The following NUDT7 variants were observed in gnomAD, a reference collection of about 807,000 sequenced individuals.
The protein encoded by NUDT7 is nudix hydrolase 7, also known as peroxisomal coenzyme A diphosphatase NUDT7.
Under a neutral mutation model 13.1 loss-of-function variants are expected in NUDT7, and 19 were observed. That is an observed-to-expected ratio of 1.45 (90% CI 1.01 to 2.13). The LOEUF is 2.13. NUDT7 is among the 30% of genes most tolerant of loss of function. The pLI, the probability that NUDT7 is intolerant of heterozygous loss-of-function variation, is 0.00. For synonymous variants in NUDT7, 132 were observed against 109.7 expected (o/e 1.20, Z -1.27); for missense variants, 360 against 291.7 (o/e 1.23, Z -1.71).
chr16:77,739,200 T>C (rs998909462), intron 3 of NUDT7, among the ~76,000 whole-genome samples: 1 of 152,144 alleles, frequency 6.6e-6, no homozygotes, highest in East Asian at 1.9e-4. Flanking sequence ...GGTGAGTCCA[T>C]AAAGTGAAAG....
intron 2 of NUDT7, among the ~76,000 whole-genome samples, chr16:77,728,501 T>G (rs534612740): frequency 6.6e-6 from 1 of 152,242 alleles, no homozygotes; most frequent in East Asian, 1.9e-4. Context: ...CCTCCCAAAG[T>G]GCTGAGATGA....
intron 3 of NUDT7, 60 bp downstream of exon 3, chr16:77,736,046 C>A (rs745708228): frequency 4.7e-6 from 7 of 1,482,134 alleles, no homozygotes; most frequent in Non-Finnish European, 5.6e-6. Context: ...ATCTACTGTT[C>A]TCAGGATTCC....
At chr16:77,724,957 A>G (rs964185717) in intron 1 of NUDT7, among the ~76,000 whole-genome samples, 2 of 152,166 alleles carry the variant, frequency 1.3e-5, no homozygotes, top group African/African-American at 4.8e-5. Flanking sequence ...CTCGCAGTCT[A>G]TGTGACAGCC....
At chr16:77,737,560 A>G (rs2014528223) in intron 3 of NUDT7, 1 of 151,934 alleles carries the variant, frequency 6.6e-6, no homozygotes, top group Non-Finnish European at 1.5e-5. Context: ...AACTCGGCTC[A>G]CTGCAAGCTC....
intron 3 of NUDT7, among the ~76,000 whole-genome samples, chr16:77,739,050 A>G (rs1175886787): frequency 1.3e-5 from 2 of 152,152 alleles, no homozygotes; most frequent in Non-Finnish European, 2.9e-5. Flanking sequence ...GCAACCACGA[A>G]TATTTACTGA....
intron 3 of NUDT7, among the ~76,000 whole-genome samples, chr16:77,741,102 G>C (rs139094944): frequency 8.6e-4 from 131 of 152,182 alleles, no homozygotes; most frequent in African/African-American, 3.0e-3. Context: ...CTATCCCATT[G>C]TTTTTAAAGG....
At chr16:77,729,707 T>A (rs1232205996) in intron 2 of NUDT7, among the ~76,000 whole-genome samples, 1 of 151,972 alleles carries the variant, frequency 6.6e-6, no homozygotes, top group Non-Finnish European at 1.5e-5. Flanking sequence ...CACCTGTAGT[T>A]CCAGCTACTC....
rs570968320 is a variant in NUDT7, at chr16:77,732,774, T to G, written c.190-3054T>G. ...TAATGCATTTTTCAGAACGTGTCCC[T>G]GTTGTTGAGTAACACGTGACTGTAC... On this transcript the variant is annotated intron_variant, in intron 2 of 3. Transcript: ENST00000268533. Among the ~76,000 whole-genome samples the G allele has an allele frequency of 2.0e-5, 3 of 149,458 alleles. No individual in the cohort carries two copies. The South Asian group carries it at 6.2e-4, about 31-fold the overall frequency.
At chr16:77,723,656 A>T (rs1038125647) in intron 1 of NUDT7, among the ~76,000 whole-genome samples, 13 of 146,678 alleles carry the variant, frequency 8.9e-5, no homozygotes, top group African/African-American at 3.1e-4. Flanking sequence ...GCAGTAGGCA[A>T]TCTCGGCTCA....
intron 2 of NUDT7, among the ~76,000 whole-genome samples, chr16:77,730,998 G>A (rs897194245): frequency 3.3e-5 from 5 of 151,548 alleles, no homozygotes; most frequent in African/African-American, 1.2e-4. Flanking sequence ...TCAGATGTAT[G>A]GTTTGCAAAT....
At chr16:77,736,475 G>A (rs144113227) in intron 3 of NUDT7, among the ~76,000 whole-genome samples, 125 of 152,164 alleles carry the variant, frequency 8.2e-4, no homozygotes, top group African/African-American at 2.7e-3. Flanking sequence ...GAATAGAACC[G>A]TGAAATCACT....
chr16:77,733,677 C>A (rs565777026), intron 2 of NUDT7, among the ~76,000 whole-genome samples: 1 of 152,286 alleles, frequency 6.6e-6, no homozygotes, highest in South Asian at 2.1e-4. Flanking sequence ...TTTAATGTGG[C>A]CACGCACCAT....
intron 1 of NUDT7, among the ~76,000 whole-genome samples, chr16:77,725,041 G>A (rs2014085887): frequency 6.6e-6 from 1 of 152,168 alleles, no homozygotes; most frequent in African/African-American, 2.4e-5. Flanking sequence ...ATAAGAGTTT[G>A]AGAACATAAG....
intron 3 of NUDT7, among the ~76,000 whole-genome samples, chr16:77,740,243 A>G (rs1178002140): frequency 2.6e-5 from 4 of 152,072 alleles, no homozygotes; most frequent in Non-Finnish European, 5.9e-5. Context: ...ATTTTGGTTA[A>G]TGGTCTGAGT....
chr16:77,727,662 C>A (rs1227919758), intron 2 of NUDT7, among the ~76,000 whole-genome samples: 1 of 152,196 alleles, frequency 6.6e-6, no homozygotes, highest in Non-Finnish European at 1.5e-5. Flanking sequence ...CGAGACCAGT[C>A]TGGCCAACAT....
At chr16:77,736,695 G>T in intron 3 of NUDT7, 1 of 286,040 alleles carries the variant, frequency 3.5e-6, no homozygotes, top group Non-Finnish European at 7.6e-6. Flanking sequence ...CGAGCTCCTG[G>T]CCTCAAGTGA....
rs2014680480 is a variant in NUDT7, at chr16:77,741,920, G to A, written c.687G>A (p.Lys229=). Residue 229 remains lysine (K), a synonymous_variant, in exon 4 of 4, where the codon AAG becomes AAA. Coordinates refer to ENST00000268533, the MANE Select transcript of NUDT7 (RefSeq NM_001105663.3). ...CATCCTCTGAAGAGTTATTCCTGAA[G>A]GTTCATAAAAAAGCTACAAGCAGGT... is the stretch of plus-strand genomic sequence containing the variant. ...VLASSEELFL[K]VHKKATSRL 1 of 1,605,218 alleles carries A rather than the reference G, an allele frequency of 6.2e-7. No individual in the cohort carries two copies. Among genetic ancestry groups the A allele is most frequent in the Non-Finnish European group, 8.5e-7 (1 of 1,176,230 alleles).
In NUDT7 at chr16:77,741,722, C is replaced by T. The variant is rs746027438; in HGVS notation, c.489C>T (p.Val163=). ...LHPQVHDQHY[V]TRLGHRFINH... ...CACAGGTCCATGACCAGCATTACGT[C>T]ACACGTCTTGGTCACCGTTTTATTA... is the stretch of plus-strand genomic sequence containing the variant. The change falls in exon 4 of 4, where the codon GTC becomes GTT. Residue 163 remains valine (V), a synonymous_variant. Coordinates refer to ENST00000268533, the MANE Select transcript of NUDT7 (RefSeq NM_001105663.3). The T allele has an allele frequency of 1.9e-6, 3 of 1,614,100 alleles. No homozygotes were observed. The highest frequency in any genetic ancestry group is 1.1e-5 in the South Asian group (1 of 91,074).
At chr16:77,735,385 C>A (rs1488138380) in intron 2 of NUDT7, 1 of 555,734 alleles carries the variant, frequency 1.8e-6, no homozygotes, top group Admixed American at 2.8e-5. Context: ...TCTCTGTCTC[C>A]CGCTCCAGCC....
Sources: gnomAD v4.1 joint callset for allele counts (sites outside exome capture counted in the v4.1 genomes callset) on GRCh38, gnomAD v4.1.1 for gene constraint, MANE v1.5 for transcripts, NCBI Gene and HGNC (gene_info 2026-07-23, HGNC 2026-07-21) for gene names.